Variants in WWOX observed in about 807,000 individuals in gnomAD.
The protein encoded by WWOX is WW domain containing oxidoreductase.
Under a neutral mutation model 46.2 loss-of-function variants are expected in WWOX, and 69 were observed. The observed-to-expected ratio is 1.49, with a 90% CI of 1.23 to 1.82. The LOEUF is 1.82. Ranked by LOEUF, WWOX falls within the 40% of genes most tolerant of loss-of-function variation. WWOX has a pLI of 0.00. For missense variants in WWOX, 919 were observed against 542.6 expected, an observed-to-expected ratio of 1.69 and a Z score of -6.89; for synonymous variants, 359 against 202.6, an observed-to-expected ratio of 1.77 and a Z score of -6.56.
intron 8 of WWOX, among the ~76,000 whole-genome samples, chr16:79,120,168 T>G (rs2049599879): frequency 6.6e-6 from 1 of 152,220 alleles, no homozygotes; most frequent in African/African-American, 2.4e-5. Context: ...GGATTTTCCA[T>G]ACGGCCTGTG....
intron 8 of WWOX, among the ~76,000 whole-genome samples, chr16:78,920,960 CA>C (rs1347527270): frequency 3.3e-5 from 5 of 152,126 alleles, no homozygotes; most frequent in Non-Finnish European, 7.4e-5. Flanking sequence ...TACTTTTCTG[CA>C]AATACCAGCA....
intron 8 of WWOX, among the ~76,000 whole-genome samples, chr16:79,064,300 A>C (rs2048404921): frequency 6.6e-6 from 1 of 152,266 alleles, no homozygotes; most frequent in Admixed American, 6.5e-5. Flanking sequence ...TTGAGAATTT[A>C]AGATGATGGT....
intron 8 of WWOX, among the ~76,000 whole-genome samples, chr16:78,875,064 A>G (rs573803002): frequency 7.9e-4 from 120 of 152,234 alleles, no homozygotes; most frequent in African/African-American, 2.6e-3. Context: ...GCAGCAGGAC[A>G]ACTCAACAAG....
intron 8 of WWOX, among the ~76,000 whole-genome samples, chr16:78,888,274 C>T (rs2044510178): frequency 6.6e-6 from 1 of 152,150 alleles, no homozygotes; most frequent in Non-Finnish European, 1.5e-5. Context: ...GACTTGAGAA[C>T]CCACTTTGGG....
At position 79,005,520 on chromosome 16, in the gene WWOX, A is replaced by G. The variant is rs566641113; in HGVS notation, c.1057-206088A>G. On this transcript the variant is annotated intron_variant, in intron 8 of 8. Coordinates refer to ENST00000566780, the MANE Select transcript of WWOX (RefSeq NM_016373.4). ...AGGCCATCCTCTCTCTGAAAACTCT[A>G]TGGGGGCGTCCTCTTTGCCTCTTCC... 6.6e-5 allele frequency among the ~76,000 whole-genome samples: 10 copies of G among 152,262 alleles called. No individual in the cohort carries two copies. The South Asian group carries it at 1.2e-3, about 19-fold the overall frequency.
At chr16:78,128,187 CTT>C (rs568825040) in intron 4 of WWOX, among the ~76,000 whole-genome samples, 1 of 146,922 alleles carries the variant, frequency 6.8e-6, no homozygotes. Context: ...GAGCTCTTGA[CTT>C]TTTTTTTTTG....
At chr16:79,130,294 T>G (rs539482603) in intron 8 of WWOX, among the ~76,000 whole-genome samples, 2 of 152,330 alleles carry the variant, frequency 1.3e-5, no homozygotes, top group Admixed American at 1.3e-4. Flanking sequence ...GCCTGCCACT[T>G]AGACCTCAAA....
At chr16:78,566,172 A>G (rs1202522036) in intron 8 of WWOX, among the ~76,000 whole-genome samples, 1 of 152,030 alleles carries the variant, frequency 6.6e-6, no homozygotes, top group Non-Finnish European at 1.5e-5. Context: ...TTATAAGGAT[A>G]CTAATCCCAT....
chr16:78,577,685 A>G (rs116304027), intron 8 of WWOX, among the ~76,000 whole-genome samples: 2,737 of 152,282 alleles, frequency 0.018, 51 homozygotes, highest in Admixed American at 0.045. Flanking sequence ...CTTCTGGACA[A>G]TTCCCCAATT....
intron 8 of WWOX, among the ~76,000 whole-genome samples, chr16:79,153,452 G>A (rs2150736124): frequency 6.6e-6 from 1 of 152,264 alleles, no homozygotes; most frequent in South Asian, 2.1e-4. Context: ...GTCATACCAA[G>A]TCATTTGGTT....
intron 8 of WWOX, among the ~76,000 whole-genome samples, chr16:78,540,487 T>C (rs1454184665): frequency 6.6e-6 from 1 of 152,102 alleles, no homozygotes; most frequent in Non-Finnish European, 1.5e-5. Flanking sequence ...TGATGTGGGG[T>C]AAAATGAGAA....
At chr16:78,258,533 C>T (rs1323372166) in intron 5 of WWOX, among the ~76,000 whole-genome samples, 1 of 151,884 alleles carries the variant, frequency 6.6e-6, no homozygotes, top group Non-Finnish European at 1.5e-5. Flanking sequence ...CTTTAAAAAA[C>T]AAAACAAACC....
At chr16:78,815,912 C>G (rs75443756) in intron 8 of WWOX, among the ~76,000 whole-genome samples, 6,724 of 152,206 alleles carry the variant, frequency 0.044, 194 homozygotes, top group Non-Finnish European at 0.064. Flanking sequence ...CAGAGGTTCT[C>G]TCCCCAACCC....
intron 5 of WWOX, among the ~76,000 whole-genome samples, chr16:78,206,834 G>C (rs2151782831): frequency 6.6e-6 from 1 of 152,290 alleles, no homozygotes. Flanking sequence ...ACAACTAAAA[G>C]AAGTGACAAA....
At chr16:79,156,982 T>C (rs1158384158) in intron 8 of WWOX, among the ~76,000 whole-genome samples, 1 of 152,228 alleles carries the variant, frequency 6.6e-6, no homozygotes, top group Non-Finnish European at 1.5e-5. Context: ...GCAGATACCC[T>C]GAAGAACTGG....
chr16:78,560,151 G>A (rs1369005729), intron 8 of WWOX, among the ~76,000 whole-genome samples: 2 of 152,170 alleles, frequency 1.3e-5, no homozygotes, highest in African/African-American at 2.4e-5. Context: ...AATATGCATA[G>A]TAGGGCTTTT....
intron 5 of WWOX, among the ~76,000 whole-genome samples, chr16:78,224,324 T>C (rs2036983070): frequency 1.3e-5 from 2 of 151,846 alleles, no homozygotes; most frequent in African/African-American, 4.8e-5. Context: ...CTTTGTTAAG[T>C]GGAACAAGTC....
chr16:78,736,255 C>T (rs979603874), intron 8 of WWOX, among the ~76,000 whole-genome samples: 2 of 152,192 alleles, frequency 1.3e-5, no homozygotes, highest in Non-Finnish European at 2.9e-5. Context: ...GAAGGCCGGG[C>T]TGTGGTACCT....
intron 4 of WWOX, among the ~76,000 whole-genome samples, chr16:78,153,180 G>C (rs1194531801): frequency 1.3e-5 from 2 of 152,164 alleles, no homozygotes; most frequent in East Asian, 1.9e-4. Flanking sequence ...GGTAATCAAA[G>C]TAACTACAGA....
Sources: allele counts gnomAD v4.1 joint callset (sites outside exome capture counted in the v4.1 genomes callset), GRCh38; gene constraint gnomAD v4.1.1; transcripts MANE v1.5; gene names NCBI Gene and HGNC (gene_info 2026-07-23, HGNC 2026-07-21).